LARP7: variants seen among roughly 807,000 people sequenced by gnomAD.
The protein encoded by LARP7 is la-related protein 7.
Under a neutral mutation model 69.3 loss-of-function variants are expected in LARP7, and 52 were observed. The observed-to-expected ratio is 0.75, with a 90% CI of 0.60 to 0.95. The LOEUF (loss-of-function observed/expected upper bound fraction) is 0.95. LARP7 is among the 40% of genes least tolerant of loss of function. LARP7 has a pLI of 0.00. For missense variants in LARP7, 733 were observed against 673.0 expected (o/e 1.09, Z -0.99); for synonymous variants, 254 against 215.9 (o/e 1.18, Z -1.55).
intron 2 of LARP7, chr4:112,645,538 C>T (rs1337867771): frequency 8.8e-6 from 4 of 456,042 alleles, no homozygotes; most frequent in East Asian, 1.4e-4. Context: ...CAAGGTCTAT[C>T]TTTTTTCCCT....
Position 112,650,598 on chromosome 4 carries a change from C to T in LARP7, c.1416+16C>T. 1 of 1,605,740 alleles carries T rather than the reference C, an allele frequency of 6.2e-7. No individual in the cohort carries two copies. The highest frequency in any genetic ancestry group is 8.5e-7 in the Non-Finnish European group (1 of 1,176,086). On this transcript the variant is annotated intron_variant, in intron 10 of 12. Transcript: ENST00000344442. ...ACAAGTCCGGGTAATGATTTTGAGCCCCTAGGGTATTTGTTCCTTTCTTCT... is the reference window on the plus strand; with the variant it reads ...ACAAGTCCGGGTAATGATTTTGAGCTCCTAGGGTATTTGTTCCTTTCTTCT...
At chr4:112,640,659 C>T (rs2047924827) in intron 1 of LARP7, among the ~76,000 whole-genome samples, 2 of 152,176 alleles carry the variant, frequency 1.3e-5, no homozygotes, top group South Asian at 4.1e-4. Context: ...AAGATTGTGC[C>T]ACTGCAGTCC....
chr4:112,646,302 A>T (rs2048232079), intron 2 of LARP7, 49 bp from the exon 3 acceptor site: 2 of 960,468 alleles, frequency 2.1e-6, no homozygotes, highest in Non-Finnish European at 3.2e-6. Context: ...TACCAAATTG[A>T]ATTAATCCTG....
chr4:112,643,997 C>G (rs780380542), intron 1 of LARP7, among the ~76,000 whole-genome samples: 26 of 152,076 alleles, frequency 1.7e-4, no homozygotes, highest in Non-Finnish European at 4.4e-5. Context: ...AATCCTAGCA[C>G]TTTGGGAGGC....
chr4:112,650,549 C>T lies in LARP7; in HGVS notation c.1383C>T (p.Ser461=). The change falls in exon 10 of 13, where the codon AGC becomes AGT. Residue 461 remains serine, a synonymous_variant. Coordinates refer to ENST00000344442, the MANE Select transcript of LARP7 (RefSeq NM_016648.4). The part of the protein sequence containing the change: ...FVSGVIVKII[S]TEPLPGRKQV... ...GTGGAGTGATTGTGAAGATCATTAG[C>T]ACAGAGCCTCTACCTGGCAGGAAAC... 6.2e-7 allele frequency: 1 copy of T among 1,613,704 alleles called. No homozygotes were observed. The highest frequency in any genetic ancestry group is 2.2e-5 in the East Asian group (1 of 44,864).
chr4:112,637,386 T>G (rs566525747), intron 1 of LARP7, 147 bp downstream of exon 1: 1 of 152,444 alleles, frequency 6.6e-6, no homozygotes, highest in South Asian at 2.1e-4. Flanking sequence ...TTGGCCTAGT[T>G]ATCTATGCGC....
At chr4:112,644,413 ATAT>A in intron 1 of LARP7, 2 of 974,908 alleles carry the variant, frequency 2.1e-6, no homozygotes, top group Non-Finnish European at 2.7e-6. Context: ...GTAATTTTTT[ATAT>A]TATTCTAGGA....
At chr4:112,643,190 T>C (rs555007166) in intron 1 of LARP7, among the ~76,000 whole-genome samples, 1 of 152,250 alleles carries the variant, frequency 6.6e-6, no homozygotes, top group Non-Finnish European at 1.5e-5. Flanking sequence ...TGCATAGTGG[T>C]GATAGTAATG....
chr4:112,644,577 C>T, intron 1 of LARP7, 91 bp from the exon 2 acceptor site: 1 of 1,084,996 alleles, frequency 9.2e-7, no homozygotes, highest in Non-Finnish European at 1.3e-6. Context: ...GTCCATTATT[C>T]TCTCAGACAG....
At chr4:112,649,859 A>G (rs952376571) in intron 9 of LARP7, 173 bp downstream of exon 9, 7 of 422,120 alleles carry the variant, frequency 1.7e-5, no homozygotes, top group African/African-American at 1.5e-4. Context: ...CTCTTGATAT[A>G]AGAATATTTA....
At chr4:112,637,745 G>C (rs772220170) in intron 1 of LARP7, 1 of 152,202 alleles carries the variant, frequency 6.6e-6, no homozygotes, top group Non-Finnish European at 1.5e-5. Context: ...AAACTTAAGA[G>C]AAAACAAATG....
rs190654264 is a variant in LARP7, at chr4:112,642,063, G to A, written c.-2-2605G>A. On this transcript the variant is annotated intron_variant, in intron 1 of 12. Transcript: ENST00000344442. ...GAAACTGAGATTGCAAAAGGGAATT[G>A]AAAAGGAAGAAGACTCGTTTGGAAG... 1.3e-3 allele frequency among the ~76,000 whole-genome samples: 192 copies of A among 152,288 alleles called. 1 individual carries two copies. Among genetic ancestry groups the A allele is most frequent in the Non-Finnish European group, 2.2e-3 (150 of 68,016 alleles).
Sources: gnomAD v4.1 joint callset for allele counts (sites outside exome capture counted in the v4.1 genomes callset) on GRCh38, gnomAD v4.1.1 for gene constraint, MANE v1.5 for transcripts, NCBI Gene and HGNC (gene_info 2026-07-23, HGNC 2026-07-21) for gene names.